Variants in GRID1 observed in about 807,000 individuals in gnomAD.
GRID1 encodes glutamate receptor ionotropic, delta-1.
Under a neutral mutation model 98.0 loss-of-function variants are expected in GRID1, and 28 were observed. The observed-to-expected ratio is 0.29, with a 90% confidence interval of 0.21 to 0.39. The LOEUF is 0.39. Among genes scored for constraint, GRID1 ranks in the 10% least tolerant of loss-of-function variants. The pLI is 1.00. For synonymous variants in GRID1, 553 were observed against 538.5 expected, an observed-to-expected ratio of 1.03 and a Z score of -0.37; for missense variants, 1,111 against 1,340.5, an observed-to-expected ratio of 0.83 and a Z score of 2.67.
intron 4 of GRID1, among the ~76,000 whole-genome samples, chr10:86,008,551 A>G (rs1188513062): frequency 6.6e-6 from 1 of 152,226 alleles, no homozygotes; most frequent in African/African-American, 2.4e-5. Context: ...CTATAAATCA[A>G]TAAGAAAAGG....
intron 2 of GRID1, among the ~76,000 whole-genome samples, chr10:86,268,623 T>G (rs1023054808): frequency 2.6e-5 from 4 of 152,230 alleles, no homozygotes; most frequent in Non-Finnish European, 5.9e-5. Flanking sequence ...ATAGGCTTAG[T>G]GCCAGATATG....
intron 4 of GRID1, among the ~76,000 whole-genome samples, chr10:85,990,612 C>T (rs1842668340): frequency 6.6e-6 from 1 of 152,132 alleles, no homozygotes; most frequent in Admixed American, 6.5e-5. Flanking sequence ...GTGCAAAGGC[C>T]ATGGGGCTCG....
intron 3 of GRID1, among the ~76,000 whole-genome samples, chr10:86,183,852 T>C (rs6585998): frequency 0.47 from 71,966 of 152,124 alleles, 18,535 homozygotes; most frequent in African/African-American, 0.67. Context: ...AAACAGTTTG[T>C]CAAACTGGTA....
chr10:86,302,225 G>A (rs984850010), intron 2 of GRID1, among the ~76,000 whole-genome samples: 1 of 152,214 alleles, frequency 6.6e-6, no homozygotes, highest in Non-Finnish European at 1.5e-5. Flanking sequence ...TCCTCCTTGA[G>A]ACTCACTCCA....
At chr10:85,959,358 A>G (rs1200643096) in intron 4 of GRID1, among the ~76,000 whole-genome samples, 1 of 152,252 alleles carries the variant, frequency 6.6e-6, no homozygotes, top group Non-Finnish European at 1.5e-5. Flanking sequence ...AGGGAACAAG[A>G]CGAGGTGCAG....
intron 6 of GRID1, among the ~76,000 whole-genome samples, chr10:85,867,474 G>A (rs549222374): frequency 6.0e-4 from 92 of 152,196 alleles, no homozygotes; most frequent in Non-Finnish European, 1.1e-3. Flanking sequence ...CGCTGCACTG[G>A]GTGGGAATGG....
intron 4 of GRID1, among the ~76,000 whole-genome samples, chr10:86,084,114 C>T (rs1156937681): frequency 6.6e-6 from 1 of 152,046 alleles, no homozygotes; most frequent in South Asian, 2.1e-4. Context: ...GTGTGTCCCT[C>T]GGGACTCACA....
intron 5 of GRID1, among the ~76,000 whole-genome samples, chr10:85,879,720 C>G (rs1318684059): frequency 1.3e-5 from 2 of 152,060 alleles, no homozygotes; most frequent in South Asian, 2.1e-4. Flanking sequence ...AACTAGAAAA[C>G]CAAGAGCAAA....
At chr10:86,312,126 G>A (rs1403985488) in intron 2 of GRID1, among the ~76,000 whole-genome samples, 1 of 152,230 alleles carries the variant, frequency 6.6e-6, no homozygotes, top group Non-Finnish European at 1.5e-5. Flanking sequence ...GGCTGCCTCA[G>A]CTACTGTGAA....
chr10:85,729,816 C>T (rs951334000), intron 8 of GRID1, among the ~76,000 whole-genome samples: 1 of 152,190 alleles, frequency 6.6e-6, no homozygotes, highest in Non-Finnish European at 1.5e-5. Flanking sequence ...CTTCAGCTCG[C>T]CTGGATCTCT....
rs1564613268 is a variant in GRID1, at chr10:85,865,934, T to TAC, written c.951+3075_951+3076insGT. On this transcript the variant is annotated intron_variant, in intron 6 of 15. Coordinates refer to ENST00000327946, the MANE Select transcript of GRID1 (RefSeq NM_017551.3). ...ATACATATATATATATATATATATA[T>TAC]ATATATATACACATATATATGGAGA... Among the ~76,000 whole-genome samples, 4 of 111,546 alleles carry TAC rather than the reference T, an allele frequency of 3.6e-5. 1 individual carries two copies. Among genetic ancestry groups the TAC allele is most frequent in the South Asian group, 6.4e-4 (2 of 3,110 alleles). The allele number at this position is 111,546 out of a possible 152,430, so 73.2% of individuals were successfully genotyped here.
At chr10:86,252,163 C>T (rs1243689517) in intron 2 of GRID1, among the ~76,000 whole-genome samples, 1 of 152,218 alleles carries the variant, frequency 6.6e-6, no homozygotes, top group Admixed American at 6.5e-5. Context: ...TGCCTTGGAC[C>T]TGTGAAGCAG....
chr10:85,696,634 C>T (rs1011920184), intron 12 of GRID1, among the ~76,000 whole-genome samples: 1 of 151,892 alleles, frequency 6.6e-6, no homozygotes, highest in Admixed American at 6.6e-5. Context: ...TTAAGCTTTG[C>T]TAATTTTCGA....
chr10:86,169,212 G>C (rs1564695828), intron 3 of GRID1, among the ~76,000 whole-genome samples: 2 of 152,226 alleles, frequency 1.3e-5, no homozygotes, highest in African/African-American at 4.8e-5. Context: ...ACTGCCCTGA[G>C]ATAGATAGGT....
chr10:85,762,878 G>A (rs1176177653), intron 8 of GRID1, among the ~76,000 whole-genome samples: 2 of 152,310 alleles, frequency 1.3e-5, no homozygotes, highest in Admixed American at 1.3e-4. Context: ...CATCCTAGGA[G>A]ACAGACAGGA....
chr10:85,715,930 G>GGAGTCTAAAAATA (rs1841634231), intron 12 of GRID1, among the ~76,000 whole-genome samples: 1 of 151,222 alleles, frequency 6.6e-6, no homozygotes, highest in Admixed American at 6.6e-5. Context: ...CTTTTGAGAC[G>GGAGTCTAAAAATA]GAGTCTAACT....
chr10:85,825,381 TTG>T (rs1454774595), intron 8 of GRID1, among the ~76,000 whole-genome samples: 1 of 140,376 alleles, frequency 7.1e-6, no homozygotes, highest in Non-Finnish European at 1.6e-5. Context: ...TCTGATGGGA[TTG>T]TTTTTTTTTT....
intron 4 of GRID1, among the ~76,000 whole-genome samples, chr10:86,043,703 C>A (rs1361014678): frequency 6.6e-6 from 1 of 152,214 alleles, no homozygotes; most frequent in Admixed American, 6.5e-5. Context: ...CATAAATAAT[C>A]CAACTACAGG....
chr10:86,293,081 C>G (rs1589439453), intron 2 of GRID1, among the ~76,000 whole-genome samples: 1 of 152,214 alleles, frequency 6.6e-6, no homozygotes, highest in East Asian at 1.9e-4. Context: ...GAGCTGTGTC[C>G]TGTGCCCTAG....
Sources: gnomAD v4.1 joint callset for allele counts (sites outside exome capture counted in the v4.1 genomes callset) on GRCh38, gnomAD v4.1.1 for gene constraint, MANE v1.5 for transcripts, NCBI Gene and HGNC (gene_info 2026-07-23, HGNC 2026-07-21) for gene names.